The following ABLIM1 variants were observed in gnomAD, a reference collection of about 807,000 sequenced individuals.
The protein encoded by ABLIM1 is actin binding LIM protein 1.
Under a neutral mutation model 107.0 loss-of-function variants are expected in ABLIM1, and 40 were observed. The observed-to-expected ratio is 0.37, with a 90% CI of 0.29 to 0.49. The LOEUF is 0.49. ABLIM1 is among the 20% of genes least tolerant of loss of function. The pLI, the probability that ABLIM1 is intolerant of heterozygous loss-of-function variation, is 0.97. For synonymous variants in ABLIM1, 357 were observed against 357.3 expected (o/e 1.00, Z 0.01); for missense variants, 857 against 1,008.5 (o/e 0.85, Z 2.04).
At chr10:114,624,553 T>C (rs1566125514) in intron 1 of ABLIM1, among the ~76,000 whole-genome samples, 1 of 152,180 alleles carries the variant, frequency 6.6e-6, no homozygotes, top group Non-Finnish European at 1.5e-5. Context: ...TAGCTAACAG[T>C]AGATGAGGCC....
At chr10:114,494,110 A>T (rs1167887181) in intron 6 of ABLIM1, among the ~76,000 whole-genome samples, 2 of 152,228 alleles carry the variant, frequency 1.3e-5, no homozygotes, top group Non-Finnish European at 2.9e-5. Flanking sequence ...CATACATACA[A>T]GAGAATTCAG....
At chr10:114,455,223 T>A (rs931601416) in intron 12 of ABLIM1, among the ~76,000 whole-genome samples, 1 of 152,240 alleles carries the variant, frequency 6.6e-6, no homozygotes, top group Non-Finnish European at 1.5e-5. Flanking sequence ...TCTGTGTCTA[T>A]TACTGAGTCA....
intron 8 of ABLIM1, among the ~76,000 whole-genome samples, chr10:114,478,711 G>C (rs371775687): frequency 6.6e-5 from 10 of 152,262 alleles, no homozygotes; most frequent in Middle Eastern, 3.4e-3. Context: ...AAATTACCCC[G>C]TCTTGGGCAG....
chr10:114,450,631 A>G (rs771415018), intron 14 of ABLIM1, among the ~76,000 whole-genome samples: 5 of 151,598 alleles, frequency 3.3e-5, no homozygotes, highest in Admixed American at 6.6e-5. Context: ...TAGAGGAGAC[A>G]GGGTTTCGCT....
At chr10:114,761,983 G>GCTCT (rs144008972) in intron 1 of ABLIM1, among the ~76,000 whole-genome samples, 27,167 of 145,468 alleles carry the variant, frequency 0.19, 2,496 homozygotes, top group East Asian at 0.27. Context: ...TATCCCATAT[G>GCTCT]CTCTCTCTCT....
intron 10 of ABLIM1, among the ~76,000 whole-genome samples, chr10:114,471,029 C>T (rs1423372416): frequency 2.6e-5 from 4 of 152,100 alleles, no homozygotes; most frequent in East Asian, 1.9e-4. Context: ...GGACTACAGG[C>T]GTGTGCCATC....
At chr10:114,630,716 G>A (rs1333689) in intron 1 of ABLIM1, among the ~76,000 whole-genome samples, 29,669 of 152,032 alleles carry the variant, frequency 0.2, 4,028 homozygotes, top group East Asian at 0.43. Flanking sequence ...GTAAACACAG[G>A]TAAGTCATTG....
At chr10:114,493,334 C>A (rs1565593755) in intron 6 of ABLIM1, among the ~76,000 whole-genome samples, 1 of 152,178 alleles carries the variant, frequency 6.6e-6, no homozygotes, top group Admixed American at 6.5e-5. Flanking sequence ...AAAATAAAGG[C>A]CCCTTGGCAA....
chr10:114,580,204 AT>A (rs201859347), intron 2 of ABLIM1, among the ~76,000 whole-genome samples: 35 of 137,042 alleles, frequency 2.6e-4, no homozygotes, highest in African/African-American at 9.3e-4. Flanking sequence ...TATATTATAT[AT>A]TATATATATA....
At chr10:114,529,078 G>A (rs957256801) in intron 6 of ABLIM1, among the ~76,000 whole-genome samples, 1 of 151,592 alleles carries the variant, frequency 6.6e-6, no homozygotes, top group Admixed American at 6.6e-5. Flanking sequence ...ATGGCAAGAA[G>A]TAACTTGAGC....
At chr10:114,670,394 A>G (rs1303647457) in intron 1 of ABLIM1, among the ~76,000 whole-genome samples, 2 of 152,364 alleles carry the variant, frequency 1.3e-5, no homozygotes, top group Non-Finnish European at 1.5e-5. Flanking sequence ...GAAATAAGAT[A>G]CATATATTAG....
intron 1 of ABLIM1, among the ~76,000 whole-genome samples, chr10:114,641,839 C>T (rs1232459403): frequency 6.6e-6 from 1 of 151,450 alleles, no homozygotes; most frequent in Non-Finnish European, 1.5e-5. Flanking sequence ...GGAGTTAGGG[C>T]CTGCAGGTCA....
At chr10:114,648,524 G>T (rs1448519300) in intron 1 of ABLIM1, among the ~76,000 whole-genome samples, 3 of 152,172 alleles carry the variant, frequency 2.0e-5, no homozygotes, top group Non-Finnish European at 4.4e-5. Context: ...AGCAGCTGAG[G>T]AATGTGAGTC....
chr10:114,687,499 C>T (rs1383804486), upstream of ABLIM1, among the ~76,000 whole-genome samples: 2 of 152,202 alleles, frequency 1.3e-5, no homozygotes, highest in Non-Finnish European at 2.9e-5. Context: ...ACATGTTTGG[C>T]TCTGTTTGCA....
rs537810736 is a variant in ABLIM1 at position 114,761,019 on chromosome 10, G to A, written c.-213+7042C>T. ...GGAGCCCTGTAACTCAAAGAGAGGA[G>A]AAACTGTAGTTGATACAGGCCAGAA... On this transcript the variant is annotated intron_variant, in intron 1 of 15. Transcript: ENST00000651092. Among the ~76,000 whole-genome samples, 10 of 152,238 alleles carry A rather than the reference G, an allele frequency of 6.6e-5. No individual in the cohort carries two copies. In the South Asian group the frequency reaches 2.1e-3, roughly 32 times the overall value.
chr10:114,564,890 T>G (rs2070435410), intron 4 of ABLIM1, among the ~76,000 whole-genome samples: 2 of 152,194 alleles, frequency 1.3e-5, no homozygotes, highest in South Asian at 4.1e-4. Flanking sequence ...ACAACTTCCT[T>G]AAAGAATAAT....
intron 5 of ABLIM1, among the ~76,000 whole-genome samples, chr10:114,545,319 G>T (rs2067182705): frequency 6.6e-6 from 1 of 152,148 alleles, no homozygotes; most frequent in African/African-American, 2.4e-5. Context: ...TGCCACACAG[G>T]CGAAACAGCC....
intron 6 of ABLIM1, among the ~76,000 whole-genome samples, chr10:114,528,910 T>C (rs761287581): frequency 3.9e-5 from 6 of 152,192 alleles, no homozygotes; most frequent in Non-Finnish European, 7.4e-5. Context: ...CAGCCTTAGA[T>C]GGTAAGACCA....
intron 6 of ABLIM1, among the ~76,000 whole-genome samples, chr10:114,512,582 T>A (rs1312791914): frequency 7.6e-6 from 1 of 131,116 alleles, no homozygotes; most frequent in African/African-American, 2.4e-5. Context: ...CCCAGCACTT[T>A]AGGAGGCCGA....
Sources: allele counts gnomAD v4.1 joint callset (sites outside exome capture counted in the v4.1 genomes callset), GRCh38; gene constraint gnomAD v4.1.1; transcripts MANE v1.5; gene names NCBI Gene and HGNC (gene_info 2026-07-23, HGNC 2026-07-21).